Variants in WDFY4 observed in about 807,000 individuals in gnomAD.
WDFY4 encodes the protein WD repeat- and FYVE domain-containing protein 4.
In WDFY4, 169 loss-of-function variants were observed where a neutral mutation model predicts 351.9. The ratio of observed to expected loss-of-function variants is 0.48; its 90% CI spans 0.42 to 0.55. The LOEUF (loss-of-function observed/expected upper bound fraction) is 0.55, where lower values mean the gene tolerates loss of function less well. Among genes scored for constraint, WDFY4 ranks in the 20% least tolerant of loss-of-function variants. The probability of loss-of-function intolerance (pLI) is 0.00; values close to 1 mark genes in which losing one functional copy is unlikely to be tolerated. For synonymous variants in WDFY4, 1,622 were observed against 1,574.6 expected (o/e 1.03, Z -0.71); for missense variants, 3,803 against 3,935.6 (o/e 0.97, Z 0.90).
At chr10:48,729,795 G>A (rs1313340199) in intron 8 of WDFY4, among the ~76,000 whole-genome samples, 6 of 152,266 alleles carry the variant, frequency 3.9e-5, no homozygotes, top group East Asian at 3.9e-4. Flanking sequence ...CTCAAATAAC[G>A]GAGGCAGCCT....
intron 12 of WDFY4, chr10:48,745,662 C>A (rs966553202): frequency 1.7e-6 from 1 of 577,678 alleles, no homozygotes; most frequent in Non-Finnish European, 3.3e-6. Flanking sequence ...CCTTCTCCTT[C>A]CTCTTCTCCT....
intron 49 of WDFY4, among the ~76,000 whole-genome samples, chr10:48,943,890 C>T (rs563977271): frequency 5.3e-5 from 8 of 152,322 alleles, no homozygotes; most frequent in Middle Eastern, 3.4e-3. Context: ...CCACTGTGCC[C>T]GGCCTCAGAT....
chr10:48,812,913 C>T (rs78333010), intron 30 of WDFY4, among the ~76,000 whole-genome samples: 3 of 152,290 alleles, frequency 2.0e-5, no homozygotes, highest in Non-Finnish European at 2.9e-5. Context: ...TCTTTCCCAC[C>T]ATCGTCTGCC....
intron 54 of WDFY4, among the ~76,000 whole-genome samples, chr10:48,965,845 T>G (rs1209965884): frequency 2.0e-5 from 3 of 152,160 alleles, no homozygotes; most frequent in Non-Finnish European, 4.4e-5. Context: ...AGATATAGAT[T>G]ATATCTATAT....
At chr10:48,796,078 G>A (rs2066864508) in intron 23 of WDFY4, among the ~76,000 whole-genome samples, 1 of 152,190 alleles carries the variant, frequency 6.6e-6, no homozygotes. Flanking sequence ...TGGAAACATG[G>A]AAAAGATGCA....
At chr10:48,782,370 A>G (rs1210213487) in intron 19 of WDFY4, among the ~76,000 whole-genome samples, 2 of 152,248 alleles carry the variant, frequency 1.3e-5, no homozygotes, top group African/African-American at 2.4e-5. Flanking sequence ...AGGGGCTGAC[A>G]CACAGTAAGC....
intron 55 of WDFY4, 76 bp downstream of exon 55, chr10:48,966,749 C>A: frequency 6.7e-7 from 1 of 1,497,668 alleles, no homozygotes; most frequent in South Asian, 1.3e-5. Flanking sequence ...CTCTGGAGGT[C>A]CAGCACCACA....
intron 2 of WDFY4, among the ~76,000 whole-genome samples, chr10:48,716,849 C>T (rs111921279): frequency 0.035 from 5,331 of 152,224 alleles, 316 homozygotes; most frequent in African/African-American, 0.12. Context: ...ATCGTAGCAG[C>T]GTTCTCATTT....
At chr10:48,695,812 G>A (rs2063316653) in intron 1 of WDFY4, among the ~76,000 whole-genome samples, 1 of 152,060 alleles carries the variant, frequency 6.6e-6, no homozygotes, top group African/African-American at 2.4e-5. Context: ...TCCAGCCAGG[G>A]GAACTGCTCC....
intron 40 of WDFY4, among the ~76,000 whole-genome samples, chr10:48,869,820 C>T (rs138887158): frequency 6.6e-6 from 1 of 152,310 alleles, no homozygotes; most frequent in African/African-American, 2.4e-5. Flanking sequence ...TTCTGTCCCA[C>T]TCTCTTCTAG....
At chr10:48,843,113 G>A (rs903544422) in intron 39 of WDFY4, among the ~76,000 whole-genome samples, 13 of 152,194 alleles carry the variant, frequency 8.5e-5, no homozygotes, top group Non-Finnish European at 1.5e-4. Context: ...AAATGATACC[G>A]AAAAGTCCTT....
Position 48,705,650 on chromosome 10 carries a change from C to A in WDFY4, c.-17-4066C>A, listed in dbSNP as rs570767617. Among the ~76,000 whole-genome samples, 4 of 152,276 alleles carry A rather than the reference C, an allele frequency of 2.6e-5. 1 individual carries two copies. Among genetic ancestry groups the A allele is most frequent in the Admixed American group, 2.6e-4 (4 of 15,306 alleles). On this transcript the variant is annotated intron_variant, in intron 1 of 61. Coordinates refer to ENST00000325239, the MANE Select transcript of WDFY4 (RefSeq NM_001394531.1). ...TGGCATTTGAGTCAGATGCTGCTGC[C>A]ACGCAATTTCAGGGGTCCGCATTAG...
chr10:48,913,626 T>G (rs747254531), intron 47 of WDFY4: 5 of 1,614,048 alleles, frequency 3.1e-6, no homozygotes, highest in Non-Finnish European at 4.2e-6. Context: ...TGGAAAGGGG[T>G]TCCGCTTTAT....
In WDFY4 at chr10:48,811,608, A is replaced by G. The variant is rs200289890; in HGVS notation, c.5114A>G (p.Asn1705Ser). The G allele has an allele frequency of 3.7e-5, 57 of 1,551,990 alleles. No homozygotes were observed. The Middle Eastern group carries it at 8.3e-4, about 23-fold the overall frequency. Residue 1705 changes from asparagine to serine, a missense_variant, in exon 30 of 62, where the codon AAT (asparagine) becomes AGT (serine). By Grantham distance (46) the Asn-to-Ser change is conservative. Coordinates refer to ENST00000325239, the MANE Select transcript of WDFY4 (RefSeq NM_001394531.1). ...CTGCTTCCTGGGTTCCGTGTCTTGA[A>G]TGACTTTCTGGCCCACCACGTCCAC... ...PCLLPGFRVL[N>S]DFLAHHVHIP...
chr10:48,958,910 A>G lies in WDFY4; in HGVS notation c.8132-812A>G, dbSNP rs535671498. On this transcript the variant is annotated intron_variant, in intron 52 of 61. Coordinates refer to ENST00000325239, the MANE Select transcript of WDFY4 (RefSeq NM_001394531.1). ...GGCAGCTCAGTAGCCAAGAGAGAGC[A>G]GGGGAGCTTTTATTCCAGCTGCTTC... Among the ~76,000 whole-genome samples, 4 of 152,326 alleles carry G rather than the reference A, an allele frequency of 2.6e-5. No homozygotes were observed. The South Asian group carries it at 8.3e-4, about 32-fold the overall frequency.
chr10:48,734,388 G>T (rs1194318734), intron 10 of WDFY4, among the ~76,000 whole-genome samples: 1 of 151,986 alleles, frequency 6.6e-6, no homozygotes, highest in Non-Finnish European at 1.5e-5. Context: ...TACGGGCAAA[G>T]AAATCTAGCC....
intron 1 of WDFY4, among the ~76,000 whole-genome samples, chr10:48,686,205 G>T (rs142971266): frequency 2.0e-5 from 3 of 151,714 alleles, no homozygotes. Context: ...TTTCGGCCAG[G>T]CGCAGTGGTT....
rs1018390383 is a variant in WDFY4, at chr10:48,962,254, C to G, written c.8224-1588C>G. Among the ~76,000 whole-genome samples the G allele has an allele frequency of 2.6e-5, 4 of 152,186 alleles. No homozygotes were observed. In the East Asian group the frequency reaches 5.8e-4, roughly 22 times the overall value. On this transcript the variant is annotated intron_variant, in intron 53 of 61. Transcript: ENST00000325239. ...TGGGAGAGCCATACCTTTCATTACC[C>G]CTCGTATGACATGACTCAAATGTGG...
intron 1 of WDFY4, among the ~76,000 whole-genome samples, chr10:48,704,272 C>T (rs1460701853): frequency 3.9e-5 from 6 of 152,180 alleles, no homozygotes; most frequent in African/African-American, 9.7e-5. Context: ...GGACCCCTGC[C>T]TGTGACTCCC....
Sources: allele counts gnomAD v4.1 joint callset (sites outside exome capture counted in the v4.1 genomes callset), GRCh38; gene constraint gnomAD v4.1.1; transcripts MANE v1.5; gene names NCBI Gene and HGNC (gene_info 2026-07-23, HGNC 2026-07-21).